CTNNBIP1: variants seen among roughly 807,000 people sequenced by gnomAD.
CTNNBIP1 encodes catenin beta interacting protein 1, also known as beta-catenin-interacting protein 1.
CTNNBIP1 carries 7 observed loss-of-function variants against 11.8 expected under a neutral mutation model. That is an observed-to-expected ratio of 0.60 (90% CI 0.34 to 1.12). CTNNBIP1 has a LOEUF of 1.12. Ranked by LOEUF, CTNNBIP1 falls within the 50% of genes most tolerant of loss-of-function variation. The probability of loss-of-function intolerance (pLI) is 0.03; values close to 1 mark genes in which losing one functional copy is unlikely to be tolerated. For synonymous variants in CTNNBIP1, 58 were observed against 43.9 expected, an observed-to-expected ratio of 1.32 and a Z score of -1.26; for missense variants, 101 against 113.4, an observed-to-expected ratio of 0.89 and a Z score of 0.50.
intron 1 of CTNNBIP1, among the ~76,000 whole-genome samples, chr1:9,891,412 A>G (rs1639297602): frequency 6.6e-6 from 1 of 152,210 alleles, no homozygotes; most frequent in East Asian, 1.9e-4. Flanking sequence ...TGGTTCAAAC[A>G]AACAAGCTTC....
Position 9,848,319 on chromosome 1 carries a change from T to C in CTNNBIP1, c.*2399A>G, listed in dbSNP as rs1638305887. ...ATTGTTAATTTCTTTCTCCAACAGA[T>C]ATATTTTTAGTTGAAATATGGAGCC... On this transcript the variant is annotated 3_prime_UTR_variant, in exon 6 of 6. Transcript: ENST00000377263. This position sits in a 1 kb window ranked among gnomAD's most constrained non-coding sequence, Gnocchi z 4.3. 6.6e-6 allele frequency: 1 copy of C among 152,236 alleles called. No homozygotes were observed. Among genetic ancestry groups the C allele is most frequent in the Admixed American group, 6.5e-5 (1 of 15,290 alleles). 9.4% of individuals were successfully genotyped at this position (152,236 alleles called of 1,614,324 possible).
chr1:9,897,298 C>T (rs1639428711), intron 1 of CTNNBIP1, among the ~76,000 whole-genome samples: 2 of 149,420 alleles, frequency 1.3e-5, no homozygotes, highest in South Asian at 4.2e-4. Flanking sequence ...ACTAAAAATA[C>T]AAAAAATTAG....
intron 5 of CTNNBIP1, among the ~76,000 whole-genome samples, chr1:9,856,493 C>T (rs570846448): frequency 2.0e-5 from 3 of 149,504 alleles, no homozygotes; most frequent in Admixed American, 6.7e-5. Context: ...GGGACTATTA[C>T]GCAAAATACG....
chr1:9,857,780 G>A (rs1638540001), intron 5 of CTNNBIP1, among the ~76,000 whole-genome samples: 3 of 152,136 alleles, frequency 2.0e-5, no homozygotes, highest in Non-Finnish European at 2.9e-5. Flanking sequence ...CAGCATGGAC[G>A]ACAGACCAAG....
At chr1:9,853,098 C>T (rs1041560007) in intron 5 of CTNNBIP1, among the ~76,000 whole-genome samples, 1 of 152,218 alleles carries the variant, frequency 6.6e-6, no homozygotes, top group Non-Finnish European at 1.5e-5. Context: ...CCAGCTGCCA[C>T]CCCCTTCCCT....
chr1:9,892,149 G>A (rs1443475530), intron 1 of CTNNBIP1, among the ~76,000 whole-genome samples: 1 of 151,718 alleles, frequency 6.6e-6, no homozygotes, highest in Non-Finnish European at 1.5e-5. Context: ...CAGCCTGGGC[G>A]CGGTGGCTCA....
intron 5 of CTNNBIP1, among the ~76,000 whole-genome samples, chr1:9,870,471 C>T (rs1349704001): frequency 6.6e-6 from 1 of 152,218 alleles, no homozygotes; most frequent in Non-Finnish European, 1.5e-5. Flanking sequence ...AGGTGTACAT[C>T]CCGGGACTCC....
At chr1:9,898,882 T>C (rs981999243) in intron 1 of CTNNBIP1, among the ~76,000 whole-genome samples, 1 of 152,230 alleles carries the variant, frequency 6.6e-6, no homozygotes, top group African/African-American at 2.4e-5. Flanking sequence ...TTATACTATA[T>C]TGGTTTTTTA....
At chr1:9,893,492 C>T (rs144455450) in intron 1 of CTNNBIP1, among the ~76,000 whole-genome samples, 6 of 152,250 alleles carry the variant, frequency 3.9e-5, no homozygotes, top group East Asian at 3.9e-4. Context: ...TCCAGGCCAA[C>T]GACTCACCCA....
intron 3 of CTNNBIP1, among the ~76,000 whole-genome samples, chr1:9,874,903 T>C (rs939354199): frequency 2.6e-5 from 4 of 152,208 alleles, no homozygotes; most frequent in African/African-American, 4.8e-5. Context: ...CCAAAGAACA[T>C]CTGAAATGCT....
intron 2 of CTNNBIP1, among the ~76,000 whole-genome samples, chr1:9,882,567 A>C (rs1464935239): frequency 6.6e-6 from 1 of 152,160 alleles, no homozygotes; most frequent in Non-Finnish European, 1.5e-5. Context: ...GGAGGGGAAG[A>C]GGTGTTTCAG....
chr1:9,884,096 T>C (rs1272267776), intron 1 of CTNNBIP1, among the ~76,000 whole-genome samples: 1 of 151,892 alleles, frequency 6.6e-6, no homozygotes, highest in Non-Finnish European at 1.5e-5. Context: ...GCCAGCAGAT[T>C]GCCTGTGGCT....
chr1:9,885,412 T>C (rs1639166569), intron 1 of CTNNBIP1, among the ~76,000 whole-genome samples: 1 of 151,994 alleles, frequency 6.6e-6, no homozygotes, highest in South Asian at 2.1e-4. Flanking sequence ...CAAGGGCAGG[T>C]TGTGAAAATG....
intron 1 of CTNNBIP1, among the ~76,000 whole-genome samples, chr1:9,908,260 T>C (rs1331402735): frequency 6.6e-6 from 1 of 152,100 alleles, no homozygotes; most frequent in Non-Finnish European, 1.5e-5. Flanking sequence ...GGTTTCACCA[T>C]GTTGGTCAGG....
chr1:9,896,765 G>C (rs765599729), intron 1 of CTNNBIP1, among the ~76,000 whole-genome samples: 2 of 152,126 alleles, frequency 1.3e-5, no homozygotes, highest in Non-Finnish European at 2.9e-5. Flanking sequence ...TCAGGAGTTC[G>C]AGACCAGCCT....
chr1:9,861,570 TG>T (rs1282272636), intron 5 of CTNNBIP1, among the ~76,000 whole-genome samples: 1 of 152,226 alleles, frequency 6.6e-6, no homozygotes, highest in African/African-American at 2.4e-5. Context: ...GGGCGCCTCC[TG>T]GGCTCCAGGC....
At chr1:9,860,927 G>A (rs1445864381) in intron 5 of CTNNBIP1, among the ~76,000 whole-genome samples, 2 of 152,202 alleles carry the variant, frequency 1.3e-5, no homozygotes, top group East Asian at 3.9e-4. Context: ...GCTGATGCGG[G>A]GAGCTCCCTT....
chr1:9,871,937 G>T lies in CTNNBIP1; in HGVS notation c.96+32C>A, dbSNP rs1282832401. The T allele has an allele frequency of 1.3e-6, 2 of 1,589,436 alleles. No homozygotes were observed. Among genetic ancestry groups the T allele is most frequent in the Admixed American group, 3.3e-5 (2 of 59,934 alleles). On this transcript the variant is annotated intron_variant, in intron 4 of 5. Transcript: ENST00000377263. The surrounding 1 kb of genome is among the most constrained non-coding windows in gnomAD (Gnocchi z 5.2). ...CCCTCCCTGGGAGACCCTCCCTGGG[G>T]GCCCGCTGCCTGACACCCCACAGGC...
At chr1:9,898,376 T>C (rs1189782111) in intron 1 of CTNNBIP1, among the ~76,000 whole-genome samples, 2 of 151,750 alleles carry the variant, frequency 1.3e-5, no homozygotes, top group African/African-American at 4.8e-5. Flanking sequence ...ATACAAAAAT[T>C]ATCTGGGTGT....
Sources: allele counts gnomAD v4.1 joint callset (sites outside exome capture counted in the v4.1 genomes callset), GRCh38; gene constraint gnomAD v4.1.1; non-coding constraint Gnocchi (gnomAD v3.1); transcripts MANE v1.5; gene names NCBI Gene and HGNC (gene_info 2026-07-23, HGNC 2026-07-21).